Variants in CFAP263 observed in about 807,000 individuals in gnomAD.
CFAP263 encodes the protein cilia and flagella associated protein 263.
the CFAP263 span, among the ~76,000 whole-genome samples, chr16:58,257,324 A>G: frequency 6.6e-6 from 1 of 152,138 alleles, no homozygotes; most frequent in Non-Finnish European, 1.5e-5. Flanking sequence ...GCCTGCATAT[A>G]TGAATTTCTT....
chr16:58,250,035 G>C, the CFAP263 span: 6 of 1,596,374 alleles, frequency 3.8e-6, no homozygotes, highest in African/African-American at 2.7e-5. Flanking sequence ...ATGAGTCCGA[G>C]AGCGTCCTCT....
the CFAP263 span, among the ~76,000 whole-genome samples, chr16:58,265,231 C>T: frequency 1.3e-5 from 2 of 152,210 alleles, no homozygotes; most frequent in South Asian, 2.1e-4. Context: ...CAGTTAAGTT[C>T]TGTTCTGTTC....
the CFAP263 span, among the ~76,000 whole-genome samples, chr16:58,279,343 G>A: frequency 6.6e-6 from 1 of 152,236 alleles, no homozygotes; most frequent in East Asian, 1.9e-4. Flanking sequence ...ACTTTGTCCT[G>A]CCTCTCCTGC....
At chr16:58,275,434 TTTTG>T in the CFAP263 span, among the ~76,000 whole-genome samples, 1 of 152,200 alleles carries the variant, frequency 6.6e-6, no homozygotes, top group East Asian at 1.9e-4. Context: ...AGGAAGGTTT[TTTTG>T]TTTGTTTGTT....
the CFAP263 span, among the ~76,000 whole-genome samples, chr16:58,254,896 C>T: frequency 1.1e-4 from 17 of 152,254 alleles, no homozygotes; most frequent in South Asian, 2.3e-3. Context: ...TGAGCCACTG[C>T]GCCGGGCCTA....
the CFAP263 span, among the ~76,000 whole-genome samples, chr16:58,251,646 C>G: frequency 6.6e-6 from 1 of 152,166 alleles, no homozygotes; most frequent in South Asian, 2.1e-4. Flanking sequence ...CCTGCCTCGG[C>G]TTCCCAAAGT....
the CFAP263 span, chr16:58,283,315 T>C: frequency 6.6e-6 from 1 of 152,198 alleles, no homozygotes; most frequent in Non-Finnish European, 1.5e-5. Flanking sequence ...CATTAAATGG[T>C]GTGCAAGCAT....
chr16:58,281,495 GA>G, the CFAP263 span: 1 of 152,548 alleles, frequency 6.6e-6, no homozygotes, highest in Non-Finnish European at 1.5e-5. Context: ...GGGAAAATGG[GA>G]AAAGCAACAA....
chr16:58,249,958 G>A, the CFAP263 span: 1 of 1,221,552 alleles, frequency 8.2e-7, no homozygotes, highest in Non-Finnish European at 1.2e-6. Flanking sequence ...ACGCGTGGCC[G>A]CCGGCACCCG....
At chr16:58,257,016 T>TCCAAAAATAGTATCATG in the CFAP263 span, among the ~76,000 whole-genome samples, 2 of 28,860 alleles carry the variant, frequency 6.9e-5, no homozygotes, top group Admixed American at 3.3e-4. Flanking sequence ...ATGAATTTCT[T>TCCAAAAATAGTATCATG]TTTTTTTTTT....
At chr16:58,278,377 T>C in the CFAP263 span, 1 of 1,004,618 alleles carries the variant, frequency 1.0e-6, no homozygotes, top group Non-Finnish European at 1.5e-6. Context: ...TAAACATTAT[T>C]TTTGGAACTC....
chr16:58,257,309 G>A, the CFAP263 span, among the ~76,000 whole-genome samples: 3 of 112,176 alleles, frequency 2.7e-5, no homozygotes, highest in Admixed American at 3.5e-4. Flanking sequence ...GAGCCACCGC[G>A]CCCAGCCTGC....
chr16:58,272,060 G>C, the CFAP263 span, among the ~76,000 whole-genome samples: 6 of 150,712 alleles, frequency 4.0e-5, no homozygotes, highest in Admixed American at 4.0e-4. Flanking sequence ...TGTCGCCCAG[G>C]CTGGAGTGCA....
At chr16:58,278,637 G>C in the CFAP263 span, 1 of 1,613,992 alleles carries the variant, frequency 6.2e-7, no homozygotes, top group African/African-American at 1.3e-5. Flanking sequence ...AGATAGCAGA[G>C]GTGAGCCACG....
chr16:58,276,291 T>C, the CFAP263 span, among the ~76,000 whole-genome samples: 1 of 152,164 alleles, frequency 6.6e-6, no homozygotes, highest in Non-Finnish European at 1.5e-5. Context: ...GATAAAACTG[T>C]AGTGAGAGAA....
At chr16:58,254,257 T>A in the CFAP263 span, 2 of 1,312,460 alleles carry the variant, frequency 1.5e-6, no homozygotes, top group Admixed American at 1.8e-5. Flanking sequence ...GTTGGGGCTT[T>A]GGAAGAAACA....
chr16:58,250,297 G>A, the CFAP263 span: 1 of 527,120 alleles, frequency 1.9e-6, no homozygotes, highest in Non-Finnish European at 3.3e-6. Flanking sequence ...GAGCTAGAAC[G>A]GGGTGGTAGG....
At chr16:58,272,371 A>G in the CFAP263 span, among the ~76,000 whole-genome samples, 1 of 152,106 alleles carries the variant, frequency 6.6e-6, no homozygotes, top group Non-Finnish European at 1.5e-5. Flanking sequence ...TTGTTTAATG[A>G]TGGGGATACA....
chr16:58,252,831 T>G, the CFAP263 span: 1 of 1,613,994 alleles, frequency 6.2e-7, no homozygotes, highest in Non-Finnish European at 8.5e-7. Context: ...GAAATTAAAA[T>G]ATCAGCAGCA....
Sources: allele counts gnomAD v4.1 joint callset (sites outside exome capture counted in the v4.1 genomes callset), GRCh38; gene constraint gnomAD v4.1.1; transcripts MANE v1.5; gene names NCBI Gene and HGNC (gene_info 2026-07-23, HGNC 2026-07-21).